SLC4A3: variants seen among roughly 807,000 people sequenced by gnomAD.
SLC4A3 encodes solute carrier family 4 member 3.
A neutral mutation model predicts 114.2 loss-of-function variants in SLC4A3; 47 were observed. The ratio of observed to expected loss-of-function variants is 0.41; its 90% confidence interval spans 0.33 to 0.52. The LOEUF is 0.52. Among genes scored for constraint, SLC4A3 ranks in the 20% least tolerant of loss-of-function variants. The pLI, the probability that SLC4A3 is intolerant of heterozygous loss-of-function variation, is 0.21. For synonymous variants in SLC4A3, 693 were observed against 710.3 expected (o/e 0.98, Z 0.39); for missense variants, 1,312 against 1,668.3 (o/e 0.79, Z 3.72).
chr2:219,630,113 T>C lies in SLC4A3; in HGVS notation c.612-40T>C, dbSNP rs1559197383. 1 of 1,608,624 alleles carries C rather than the reference T, an allele frequency of 6.2e-7. No individual in the cohort carries two copies. Among genetic ancestry groups the C allele is most frequent in the East Asian group, 2.2e-5 (1 of 44,748 alleles). On this transcript the variant is annotated intron_variant, in intron 5 of 22. Transcript: ENST00000358055. The surrounding 1 kb of genome is among the most constrained non-coding windows in gnomAD (Gnocchi z 6.9). The stretch of plus-strand genomic sequence containing the variant: ...AGGGACGGTGATGGAACCACCGACC[T>C]GGCCCTGTCAAGTCCAAGGCTGCTG...
In SLC4A3 at chr2:219,639,558, C is replaced by T; in HGVS notation, c.3100C>T (p.Leu1034=). The change falls in exon 20 of 23, where the codon CTG becomes TTG. Residue 1034 remains leucine, a synonymous_variant. Coordinates refer to ENST00000358055, the MANE Select transcript of SLC4A3 (RefSeq NM_005070.4). This position sits in a 1 kb window ranked among gnomAD's most constrained non-coding sequence, Gnocchi z 5.9. ...FHLDLLLIGS[L]GGLCGLFGLP... ...CCTGGACCTGCTCCTCATTGGCTCC[C>T]TGGGGGGGCTCTGTGGGCTGTTTGG... is the stretch of plus-strand genomic sequence containing the variant. 1 of 1,614,102 alleles carries T rather than the reference C, an allele frequency of 6.2e-7. No homozygotes were observed. The highest frequency in any genetic ancestry group is 8.5e-7 in the Non-Finnish European group (1 of 1,180,034).
Position 219,638,306 on chromosome 2 carries a change from G to T in SLC4A3, c.2856+53G>T. 1.4e-6 allele frequency: 2 copies of T among 1,386,142 alleles called. No homozygotes were observed. The highest frequency in any genetic ancestry group is 1.0e-6 in the Non-Finnish European group (1 of 986,494). 85.9% of individuals were successfully genotyped at this position (1,386,142 alleles called of 1,614,324 possible). ...GCTGTCACCCCCAGGCCAGGAGAGG[G>T]AGCCCACAACACACTTCCATGGGCC... On this transcript the variant is annotated intron_variant, in intron 18 of 22. Coordinates refer to ENST00000358055, the MANE Select transcript of SLC4A3 (RefSeq NM_005070.4). This position sits in a 1 kb window ranked among gnomAD's most constrained non-coding sequence, Gnocchi z 7.5.
chr2:219,630,131 G>A lies in SLC4A3; in HGVS notation c.612-22G>A. 2 of 1,612,484 alleles carry A rather than the reference G, an allele frequency of 1.2e-6. No homozygotes were observed. The highest frequency in any genetic ancestry group is 8.5e-7 in the Non-Finnish European group (1 of 1,179,408). ...ACCGACCTGGCCCTGTCAAGTCCAA[G>A]GCTGCTGTGTTGCCTCCCCAGCTCC... is the stretch of plus-strand genomic sequence containing the variant. On this transcript the variant is annotated intron_variant, in intron 5 of 22. Coordinates refer to ENST00000358055, the MANE Select transcript of SLC4A3 (RefSeq NM_005070.4). This position sits in a 1 kb window ranked among gnomAD's most constrained non-coding sequence, Gnocchi z 6.9.
intron 12 of SLC4A3, 129 bp from the exon 13 acceptor site, chr2:219,635,142 A>C: frequency 1.4e-6 from 1 of 694,434 alleles, no homozygotes; most frequent in African/African-American, 1.8e-5. Flanking sequence ...ACACTGTTGG[A>C]CTGGCCCAGT....
At position 219,636,901 on chromosome 2, in the gene SLC4A3, T is replaced by G; in HGVS notation, c.2535+27T>G. On this transcript the variant is annotated intron_variant, in intron 16 of 22. Coordinates refer to ENST00000358055, the MANE Select transcript of SLC4A3 (RefSeq NM_005070.4). This position sits in a 1 kb window ranked among gnomAD's most constrained non-coding sequence, Gnocchi z 5.5. ...TGGAGGTCCAGCGAGGTCTTGGGGGTGGCAGAGATGGAGGTGGACATTGCC... is the reference window on the plus strand; with the variant it reads ...TGGAGGTCCAGCGAGGTCTTGGGGGGGGCAGAGATGGAGGTGGACATTGCC... The G allele has an allele frequency of 6.3e-6, 10 of 1,582,558 alleles. No homozygotes were observed. Among genetic ancestry groups the G allele is most frequent in the Non-Finnish European group, 7.8e-6 (9 of 1,154,654 alleles).
chr2:219,636,957 T>A lies in SLC4A3; in HGVS notation c.2535+83T>A. ...GAGGACAGCATGGGAGGGGGAGGTA[T>A]GGAGAACTAGGGGACAAGGAGAGGG... On this transcript the variant is annotated intron_variant, in intron 16 of 22. Coordinates refer to ENST00000358055, the MANE Select transcript of SLC4A3 (RefSeq NM_005070.4). The surrounding 1 kb of genome is among the most constrained non-coding windows in gnomAD (Gnocchi z 5.5). 8.2e-7 allele frequency: 1 copy of A among 1,212,756 alleles called. No individual in the cohort carries two copies. Among genetic ancestry groups the A allele is most frequent in the Non-Finnish European group, 1.2e-6 (1 of 839,790 alleles). The allele number at this position is 1,212,756 out of a possible 1,614,324, so 75.1% of individuals were successfully genotyped here.
At chr2:219,634,216 C>T (rs1424526194) in intron 11 of SLC4A3, among the ~76,000 whole-genome samples, 1 of 152,254 alleles carries the variant, frequency 6.6e-6, no homozygotes, top group Non-Finnish European at 1.5e-5. Context: ...AAAAGCAACA[C>T]TTCTTTAATA....
At position 219,630,127 on chromosome 2, in the gene SLC4A3, C is replaced by T. The variant is rs138184188; in HGVS notation, c.612-26C>T. ...AACCACCGACCTGGCCCTGTCAAGT[C>T]CAAGGCTGCTGTGTTGCCTCCCCAG... On this transcript the variant is annotated intron_variant, in intron 5 of 22. Transcript: ENST00000358055. This position sits in a 1 kb window ranked among gnomAD's most constrained non-coding sequence, Gnocchi z 6.9. 4.7e-4 allele frequency: 763 copies of T among 1,611,878 alleles called. No individual in the cohort carries two copies. The highest frequency in any genetic ancestry group is 5.0e-4 in the Admixed American group (30 of 59,894).
At position 219,641,072 on chromosome 2, in the gene SLC4A3, T is replaced by A; in HGVS notation, c.3621+110T>A. ...TTAGTTGTGAAACTTGTGTAACTTG[T>A]GTTGCAAGTTATCTCACCTTCCGAA... On this transcript the variant is annotated intron_variant, in intron 22 of 22. Transcript: ENST00000358055. This position sits in a 1 kb window ranked among gnomAD's most constrained non-coding sequence, Gnocchi z 4.0. The A allele has an allele frequency of 1.9e-6, 2 of 1,043,322 alleles. No homozygotes were observed. Among genetic ancestry groups the A allele is most frequent in the Non-Finnish European group, 2.8e-6 (2 of 716,934 alleles). The allele number at this position is 1,043,322 out of a possible 1,614,324, so 64.6% of individuals were successfully genotyped here. A position where few individuals can be genotyped will look rare whatever the true frequency, so the allele number is the denominator to read the frequency against.
chr2:219,633,173 T>C, intron 9 of SLC4A3, 101 bp from the exon 10 acceptor site: 2 of 1,379,628 alleles, frequency 1.4e-6, no homozygotes, highest in Non-Finnish European at 2.0e-6. Flanking sequence ...CTTTTTACAC[T>C]GAGGCAGAGG....
Position 219,631,555 on chromosome 2 carries a change from G to A in SLC4A3, c.812-413G>A. The A allele has an allele frequency of 1.8e-6, 2 of 1,124,698 alleles. No homozygotes were observed. Among genetic ancestry groups the A allele is most frequent in the South Asian group, 3.0e-5 (2 of 67,136 alleles). The allele number at this position is 1,124,698 out of a possible 1,614,324, so 69.7% of individuals were successfully genotyped here. On this transcript the variant is annotated intron_variant, in intron 6 of 22. Coordinates refer to ENST00000358055, the MANE Select transcript of SLC4A3 (RefSeq NM_005070.4). This position sits in a 1 kb window ranked among gnomAD's most constrained non-coding sequence, Gnocchi z 6.3. ...GCCCTGCCTGAGTCTACTGGGCTGTGTACCTTCGGGGAGGGGACGTGGGTG... is the reference window on the plus strand; with the variant it reads ...GCCCTGCCTGAGTCTACTGGGCTGTATACCTTCGGGGAGGGGACGTGGGTG...
rs1022153796 is a variant in SLC4A3 at position 219,633,418 on chromosome 2, G to T, written c.1422G>T (p.Glu474Asp). 6.4e-7 allele frequency: 1 copy of T among 1,573,512 alleles called. No individual in the cohort carries two copies. Among genetic ancestry groups the T allele is most frequent in the Admixed American group, 1.9e-5 (1 of 52,304 alleles). ...CTACCATGGCTGATGACCTGGGGGA[G>T]CCAGCCCCACTCTGGCCACATGACC... ...AVPTMADDLG[E>D]PAPLWPHDPD... The change falls in exon 10 of 23, where the codon GAG becomes GAT. Residue 474 changes from glutamate to aspartate, a missense_variant. Glu to Asp is a conservative substitution (Grantham distance 45). Transcript: ENST00000358055.
At position 219,631,413 on chromosome 2, in the gene SLC4A3, T is replaced by G; in HGVS notation, c.812-555T>G. The G allele has an allele frequency of 7.7e-7, 1 of 1,303,952 alleles. No homozygotes were observed. Among genetic ancestry groups the G allele is most frequent in the African/African-American group, 1.5e-5 (1 of 65,890 alleles). 80.8% of individuals were successfully genotyped at this position (1,303,952 alleles called of 1,614,324 possible). ...CTTTGAGGATGGTGACCTGTGGGAG[T>G]CCATCAGGGGCCAGCTGGGCCCCAT... On this transcript the variant is annotated intron_variant, in intron 6 of 22. Transcript: ENST00000358055. The surrounding 1 kb of genome is among the most constrained non-coding windows in gnomAD (Gnocchi z 6.3).
rs76038242 is a variant in SLC4A3, at chr2:219,639,939, T to C, written c.3277+204T>C. On this transcript the variant is annotated intron_variant, in intron 20 of 22. Transcript: ENST00000358055. This position sits in a 1 kb window ranked among gnomAD's most constrained non-coding sequence, Gnocchi z 5.9. ...TCTGTCCTGCCCCCTCTTCTCTCTC[T>C]TTTTTTTTGAGACGGAGTCTCGCTC... Among the ~76,000 whole-genome samples, 2 of 151,450 alleles carry C rather than the reference T, an allele frequency of 1.3e-5. No individual in the cohort carries two copies. Among genetic ancestry groups the C allele is most frequent in the African/African-American group, 4.8e-5 (2 of 41,266 alleles).
chr2:219,636,920 C>T lies in SLC4A3; in HGVS notation c.2535+46C>T, dbSNP rs1298318483. On this transcript the variant is annotated intron_variant, in intron 16 of 22. Transcript: ENST00000358055. The surrounding 1 kb of genome is among the most constrained non-coding windows in gnomAD (Gnocchi z 5.5). The stretch of plus-strand genomic sequence containing the variant: ...TGGGGGTGGCAGAGATGGAGGTGGA[C>T]ATTGCCCTGGGGAGGACAGCATGGG... 2 of 1,510,562 alleles carry T rather than the reference C, an allele frequency of 1.3e-6. No homozygotes were observed. The highest frequency in any genetic ancestry group is 2.3e-5 in the South Asian group (2 of 85,226). 93.6% of individuals were successfully genotyped at this position (1,510,562 alleles called of 1,614,324 possible). A position where few individuals can be genotyped will look rare whatever the true frequency, so the allele number is the denominator to read the frequency against.
rs1015114243 is a variant in SLC4A3 at position 219,637,014 on chromosome 2, C to A, written c.2535+140C>A. On this transcript the variant is annotated intron_variant, in intron 16 of 22. Transcript: ENST00000358055. This position sits in a 1 kb window ranked among gnomAD's most constrained non-coding sequence, Gnocchi z 4.6. ...TTGGGAGTGAGGGGTTCTAGGGACA[C>A]CCTAGGCTAGGTCTGAGCTGAAGGG... 2.5e-6 allele frequency: 2 copies of A among 785,344 alleles called. No individual in the cohort carries two copies. The highest frequency in any genetic ancestry group is 1.7e-5 in the South Asian group (1 of 57,196). 48.6% of individuals were successfully genotyped at this position (785,344 alleles called of 1,614,324 possible).
At chr2:219,640,104 A>C (rs935807603) in intron 20 of SLC4A3, among the ~76,000 whole-genome samples, 2 of 151,368 alleles carry the variant, frequency 1.3e-5, no homozygotes, top group Non-Finnish European at 2.9e-5. Context: ...AATTTTTTGT[A>C]TTTTTAGTAG....
chr2:219,629,436 T>C lies in SLC4A3; in HGVS notation c.495+15T>C. On this transcript the variant is annotated intron_variant, in intron 4 of 22. Transcript: ENST00000358055. ...AGAAGGCAAAGGTAGGGGCTTCCCT[T>C]TGGAGGGGTGGCAGGTCAGGGGTCA... 1 of 1,594,914 alleles carries C rather than the reference T, an allele frequency of 6.3e-7. No homozygotes were observed. Among genetic ancestry groups the C allele is most frequent in the African/African-American group, 1.3e-5 (1 of 74,638 alleles).
Position 219,630,778 on chromosome 2 carries a change from T to TG in SLC4A3, c.811+434dup, listed in dbSNP as rs201366904. ...CCCTTCACTCCCATCCCACTACCCT[T>TG]GGGGGGGGCCTGGCTGTGATCTCGG... On this transcript the variant is annotated intron_variant, in intron 6 of 22. Transcript: ENST00000358055. This position sits in a 1 kb window ranked among gnomAD's most constrained non-coding sequence, Gnocchi z 6.9. Among the ~76,000 whole-genome samples, 11 of 151,368 alleles carry TG rather than the reference T, an allele frequency of 7.3e-5. No homozygotes were observed. Among genetic ancestry groups the TG allele is most frequent in the South Asian group, 2.1e-4 (1 of 4,784 alleles).
Sources: allele counts gnomAD v4.1 joint callset (sites outside exome capture counted in the v4.1 genomes callset), GRCh38; gene constraint gnomAD v4.1.1; non-coding constraint Gnocchi (gnomAD v3.1); transcripts MANE v1.5; gene names NCBI Gene and HGNC (gene_info 2026-07-23, HGNC 2026-07-21).